CMTR1: variants seen among roughly 807,000 people sequenced by gnomAD.
CMTR1 encodes the protein cap methyltransferase 1.
CMTR1 carries 39 observed loss-of-function variants against 107.0 expected under a neutral mutation model. That is an observed-to-expected ratio of 0.36 (90% CI 0.28 to 0.48). The LOEUF (loss-of-function observed/expected upper bound fraction) is 0.48, where lower values mean the gene tolerates loss of function less well. CMTR1 is among the 20% of genes least tolerant of loss of function. The pLI is 0.99. For synonymous variants in CMTR1, 366 were observed against 379.5 expected (o/e 0.96, Z 0.41); for missense variants, 672 against 1,064.9 (o/e 0.63, Z 5.14).
At chr6:37,444,481 C>A (rs1168000217) in intron 3 of CMTR1, among the ~76,000 whole-genome samples, 1 of 152,130 alleles carries the variant, frequency 6.6e-6, no homozygotes, top group East Asian at 1.9e-4. Context: ...AAGCTTCATG[C>A]TGTGAATTTT....
chr6:37,427,229 T>C, the CMTR1 span, among the ~76,000 whole-genome samples: 4 of 152,144 alleles, frequency 2.6e-5, no homozygotes, highest in Non-Finnish European at 5.9e-5. This position sits in a 1 kb window ranked among gnomAD's most constrained non-coding sequence, Gnocchi z 4.4. Context: ...CCATAATAGT[T>C]ACATCAGACG....
At chr6:37,438,499 A>G (rs1771589667) in intron 2 of CMTR1, among the ~76,000 whole-genome samples, 1 of 152,170 alleles carries the variant, frequency 6.6e-6, no homozygotes, top group Non-Finnish European at 1.5e-5. Flanking sequence ...GCAAACCAAC[A>G]TTTCTAGATT....
At chr6:37,445,783 G>A (rs982845756) in intron 3 of CMTR1, among the ~76,000 whole-genome samples, 2 of 151,760 alleles carry the variant, frequency 1.3e-5, no homozygotes, top group Non-Finnish European at 2.9e-5. Context: ...TTGAGCCACC[G>A]CGCCCGGTCC....
At chr6:37,428,417 C>T (rs141064788), upstream of CMTR1, among the ~76,000 whole-genome samples, 7 of 152,198 alleles carry the variant, frequency 4.6e-5, no homozygotes, top group African/African-American at 1.4e-4. Context: ...ACCCTCCCTT[C>T]GTGGGTTCCC....
intron 1 of CMTR1, 134 bp from the exon 2 acceptor site, chr6:37,435,490 T>C: frequency 1.1e-6 from 1 of 904,902 alleles, no homozygotes; most frequent in Non-Finnish European, 1.6e-6. Flanking sequence ...GAAGAGGCTA[T>C]TCAAGTGCTG....
At chr6:37,441,932 G>A (rs1434291090) in intron 2 of CMTR1, among the ~76,000 whole-genome samples, 1 of 152,178 alleles carries the variant, frequency 6.6e-6, no homozygotes. Context: ...CCACCATAAA[G>A]GGAAGGGCAG....
At chr6:37,474,463 T>C in intron 17 of CMTR1, 61 bp from the exon 18 acceptor site, 1 of 1,598,506 alleles carries the variant, frequency 6.3e-7, no homozygotes, top group Non-Finnish European at 8.5e-7. Context: ...TTTTGAGAAG[T>C]AAGCCTCTTA....
At chr6:37,444,464 G>A (rs1245393751) in intron 3 of CMTR1, among the ~76,000 whole-genome samples, 1 of 152,062 alleles carries the variant, frequency 6.6e-6, no homozygotes, top group African/African-American at 2.4e-5. Context: ...TCTGTCAGTG[G>A]GTAAAGAAGC....
chr6:37,459,753 GT>G, intron 10 of CMTR1, 69 bp downstream of exon 10: 1 of 1,086,252 alleles, frequency 9.2e-7, no homozygotes, highest in Non-Finnish European at 1.4e-6. Flanking sequence ...AGAATTGTTT[GT>G]TTTATCTGGT....
chr6:37,467,666 AGT>A lies in CMTR1; in HGVS notation c.1506-3354_1506-3353del, dbSNP rs1159668031. Among the ~76,000 whole-genome samples the A allele has an allele frequency of 2.6e-5, 4 of 152,312 alleles. No individual in the cohort carries two copies. The East Asian group carries it at 5.8e-4, about 22-fold the overall frequency. The stretch of plus-strand genomic sequence containing the variant: ...TATTAGGCACATGTACATTTAAGAT[AGT>A]TTTGTTTTCTTGATGAATTGACCTT... On this transcript the variant is annotated intron_variant, in intron 13 of 23. Transcript: ENST00000373451.
chr6:37,481,019 T>A lies in CMTR1; in HGVS notation c.*874T>A. On this transcript the variant is annotated 3_prime_UTR_variant, in exon 24 of 24. Coordinates refer to ENST00000373451, the MANE Select transcript of CMTR1 (RefSeq NM_015050.3). ...GGGTAGCGCTGCCCTCTGGCAGTCA[T>A]GCACCGCTGTCTGCCATAGCCGCTC... 7.7e-7 allele frequency: 1 copy of A among 1,303,782 alleles called. No homozygotes were observed. The highest frequency in any genetic ancestry group is 1.5e-5 in the African/African-American group (1 of 65,974). The allele number at this position is 1,303,782 out of a possible 1,614,324, so 80.8% of individuals were successfully genotyped here. A position where few individuals can be genotyped will look rare whatever the true frequency, so the allele number is the denominator to read the frequency against.
chr6:37,472,455 G>A lies in CMTR1; in HGVS notation c.1657G>A (p.Asp553Asn), dbSNP rs199822671. 13 of 1,613,964 alleles carry A rather than the reference G, an allele frequency of 8.1e-6. No individual in the cohort carries two copies. Among genetic ancestry groups the A allele is most frequent in the African/African-American group, 4.0e-5 (3 of 74,896 alleles). The change falls in exon 16 of 24, where the codon GAC becomes AAC. Residue 553 changes from aspartate (D) to asparagine (N), a missense_variant. Coordinates refer to ENST00000373451, the MANE Select transcript of CMTR1 (RefSeq NM_015050.3). The surrounding 1 kb of genome is among the most constrained non-coding windows in gnomAD (Gnocchi z 4.1). ...GGCTCGTGTGGCTCCTTCTTCCTCCGACCCTAAATCGAAGTTCTTTGAGCT... is the reference window on the plus strand; with the variant it reads ...GGCTCGTGTGGCTCCTTCTTCCTCCAACCCTAAATCGAAGTTCTTTGAGCT... ...DQARVAPSSS[D>N]PKSKFFELIQ...
intron 3 of CMTR1, among the ~76,000 whole-genome samples, chr6:37,445,520 G>T: frequency 9.1e-6 from 1 of 109,928 alleles, no homozygotes; most frequent in Non-Finnish European, 1.7e-5. Flanking sequence ...ATGGAGTCTT[G>T]CTCTGTCGCC....
chr6:37,475,438 A>G (rs1196125678), intron 19 of CMTR1, 26 bp downstream of exon 19: 57 of 774,682 alleles, frequency 7.4e-5, no homozygotes, highest in Non-Finnish European at 1.2e-4. Context: ...CAGGGTAGGG[A>G]GGGTGGGGGT....
chr6:37,468,345 T>C (rs186407388), intron 13 of CMTR1, among the ~76,000 whole-genome samples: 3 of 152,336 alleles, frequency 2.0e-5, no homozygotes, highest in African/African-American at 7.2e-5. Flanking sequence ...CTTTATATTG[T>C]TACTATTTTT....
At chr6:37,474,785 A>C in intron 18 of CMTR1, 139 bp downstream of exon 18, 1 of 1,306,190 alleles carries the variant, frequency 7.7e-7, no homozygotes, top group Non-Finnish European at 1.0e-6. Context: ...AGGGTTTATA[A>C]TGACTCCTCC....
chr6:37,469,521 CTTTT>C (rs763917812), intron 13 of CMTR1, among the ~76,000 whole-genome samples: 78 of 61,606 alleles, frequency 1.3e-3, no homozygotes, highest in African/African-American at 4.4e-3. Flanking sequence ...TTGTTTTATC[CTTTT>C]TTTTTTTTTT....
In CMTR1 at chr6:37,461,578, G is replaced by A; in HGVS notation, c.1125G>A (p.Leu375=). The change falls in exon 11 of 24, where the codon CTG becomes CTA. Residue 375 remains leucine, a synonymous_variant. Coordinates refer to ENST00000373451, the MANE Select transcript of CMTR1 (RefSeq NM_015050.3). ...GGFSVEGQEN[L]QEILSKQLLL... Reference sequence around the variant, plus strand: ...TCTCGGTGGAGGGGCAGGAGAACCTGCAGGAGATCCTCAGCAAGCAGCTGC... The same window carrying A: ...TCTCGGTGGAGGGGCAGGAGAACCTACAGGAGATCCTCAGCAAGCAGCTGC... The A allele has an allele frequency of 1.2e-6, 2 of 1,609,294 alleles. No homozygotes were observed. The highest frequency in any genetic ancestry group is 1.7e-6 in the Non-Finnish European group (2 of 1,177,430).
At chr6:37,431,825 T>C (rs542184190), upstream of CMTR1, among the ~76,000 whole-genome samples, 244 of 152,294 alleles carry the variant, frequency 1.6e-3, no homozygotes, top group Non-Finnish European at 3.0e-3. Flanking sequence ...TTTGTTGTGT[T>C]CTGTTTTTGA....
Sources: gnomAD v4.1 joint callset for allele counts (sites outside exome capture counted in the v4.1 genomes callset) on GRCh38, gnomAD v4.1.1 for gene constraint, Gnocchi (gnomAD v3.1) non-coding constraint, MANE v1.5 for transcripts, NCBI Gene and HGNC (gene_info 2026-07-23, HGNC 2026-07-21) for gene names.